The following PPFIA1 variants were observed in gnomAD, a reference collection of about 807,000 sequenced individuals.
PPFIA1 encodes the protein PPFI scaffold protein A1, also known as liprin-alpha-1.
PPFIA1 carries 25 observed loss-of-function variants against 149.9 expected under a neutral mutation model. That is an observed-to-expected ratio of 0.17 (90% CI 0.12 to 0.23). PPFIA1 has a LOEUF of 0.23. Among genes scored for constraint, PPFIA1 ranks in the 10% least tolerant of loss-of-function variants. The pLI is 1.00. For synonymous variants in PPFIA1, 549 were observed against 552.8 expected (o/e 0.99, Z 0.10); for missense variants, 1,362 against 1,506.5 (o/e 0.90, Z 1.59).
chr11:70,361,332 C>T (rs573233265), intron 19 of PPFIA1, among the ~76,000 whole-genome samples: 16 of 152,266 alleles, frequency 1.1e-4, no homozygotes, highest in African/African-American at 3.6e-4. Flanking sequence ...TTCCGTATCA[C>T]GTAGGCATAA....
At chr11:70,279,747 G>C (rs2050632119) in intron 2 of PPFIA1, among the ~76,000 whole-genome samples, 1 of 151,352 alleles carries the variant, frequency 6.6e-6, no homozygotes, top group Non-Finnish European at 1.5e-5. Flanking sequence ...GTGTGTGTGT[G>C]TGTGTGTGTG....
chr11:70,291,102 C>T (rs2051495851), intron 2 of PPFIA1, among the ~76,000 whole-genome samples: 2 of 152,148 alleles, frequency 1.3e-5, no homozygotes, highest in African/African-American at 4.8e-5. Context: ...TCAGCCTGGT[C>T]TTGAACTCCC....
At chr11:70,290,832 T>C (rs1565349785) in intron 2 of PPFIA1, among the ~76,000 whole-genome samples, 1 of 152,214 alleles carries the variant, frequency 6.6e-6, no homozygotes, top group South Asian at 2.1e-4. Context: ...TTGAATCATA[T>C]AGAAAAGTTA....
intron 19 of PPFIA1, among the ~76,000 whole-genome samples, 182 bp downstream of exon 19, chr11:70,356,436 A>G (rs1268047101): frequency 1.3e-5 from 2 of 152,210 alleles, no homozygotes; most frequent in African/African-American, 2.4e-5. Flanking sequence ...ATTTCGAAGA[A>G]ACTCACACTG....
intron 1 of PPFIA1, chr11:70,271,242 G>A (rs1026748730): frequency 2.6e-5 from 4 of 152,326 alleles, no homozygotes; most frequent in Middle Eastern, 3.2e-3. Context: ...ACCCCCCGGG[G>A]TTCGGGGCTT....
At chr11:70,328,897 A>C (rs2054482595) in intron 7 of PPFIA1, among the ~76,000 whole-genome samples, 1 of 152,200 alleles carries the variant, frequency 6.6e-6, no homozygotes, top group Non-Finnish European at 1.5e-5. Context: ...ATAAATAGGG[A>C]ACAACTTGAA....
At chr11:70,288,301 GTGT>G (rs975873878) in intron 2 of PPFIA1, among the ~76,000 whole-genome samples, 1 of 151,880 alleles carries the variant, frequency 6.6e-6, no homozygotes, top group African/African-American at 2.4e-5. Flanking sequence ...TGAACTCCTG[GTGT>G]TGTGATCTGC....
chr11:70,300,222 G>A lies in PPFIA1; in HGVS notation c.265-24180G>A, dbSNP rs145231669. Among the ~76,000 whole-genome samples the A allele has an allele frequency of 1.2e-3, 188 of 152,112 alleles. 1 individual carries two copies. Among genetic ancestry groups the A allele is most frequent in the African/African-American group, 4.0e-3 (168 of 41,490 alleles). ...CGCAGACTCCTCTTCATTACCATGCGCCCCTCAAAGCCAAAGTCAAGCCTG... is the reference window on the plus strand; with the variant it reads ...CGCAGACTCCTCTTCATTACCATGCACCCCTCAAAGCCAAAGTCAAGCCTG... On this transcript the variant is annotated intron_variant, in intron 2 of 27. Coordinates refer to ENST00000253925, the MANE Select transcript of PPFIA1 (RefSeq NM_003626.5).
intron 2 of PPFIA1, among the ~76,000 whole-genome samples, chr11:70,277,060 A>ATTTTTTTTTTTTTTTT (rs1555076271): frequency 1.5e-5 from 1 of 66,312 alleles, no homozygotes; most frequent in African/African-American, 1.2e-4. Flanking sequence ...ATATATATAT[A>ATTTTTTTTTTTTTTTT]TTTTTTTTTT....
At chr11:70,279,722 GGTGTGTGTGTGTGTGT>G (rs71046599) in intron 2 of PPFIA1, among the ~76,000 whole-genome samples, 12 of 135,394 alleles carry the variant, frequency 8.9e-5, no homozygotes, top group African/African-American at 1.7e-4. Flanking sequence ...TATGTGTCTA[GGTGTGTGTGTGTGTGT>G]GTGTGTGTGT....
chr11:70,339,488 G>C (rs1033518716), intron 14 of PPFIA1, among the ~76,000 whole-genome samples, 182 bp downstream of exon 14: 1 of 145,034 alleles, frequency 6.9e-6, no homozygotes, highest in African/African-American at 2.9e-5. Flanking sequence ...TTTTGTTTTT[G>C]TTTTTGTTTT....
At chr11:70,279,044 A>G (rs1565333623) in intron 2 of PPFIA1, 1 of 535,244 alleles carries the variant, frequency 1.9e-6, no homozygotes, top group East Asian at 4.3e-5. Context: ...GTTGCAAGTA[A>G]TGAGGGGTAG....
At position 70,296,358 on chromosome 11, in the gene PPFIA1, C is replaced by T. The variant is rs978120248; in HGVS notation, c.264+23922C>T. 7.2e-5 allele frequency among the ~76,000 whole-genome samples: 11 copies of T among 152,134 alleles called. No individual in the cohort carries two copies. In the East Asian group the frequency reaches 7.8e-4, roughly 11 times the overall value. On this transcript the variant is annotated intron_variant, in intron 2 of 27. Transcript: ENST00000253925. ...CTGGGAGGTGGAGGTTGTAGCGAGC[C>T]GAGATCACGCCACTGCACTCCAGCC... is the stretch of plus-strand genomic sequence containing the variant.
In PPFIA1 at chr11:70,296,753, G is replaced by A. The variant is rs540097000; in HGVS notation, c.264+24317G>A. 3.1e-3 allele frequency among the ~76,000 whole-genome samples: 431 copies of A among 140,772 alleles called. 5 individuals are homozygous for A. Among genetic ancestry groups the A allele is most frequent in the African/African-American group, 0.011 (406 of 37,986 alleles). The allele number at this position is 140,772 out of a possible 152,430, so 92.4% of individuals were successfully genotyped here. A position where few individuals can be genotyped will look rare whatever the true frequency, so the allele number is the denominator to read the frequency against. On this transcript the variant is annotated intron_variant, in intron 2 of 27. Coordinates refer to ENST00000253925, the MANE Select transcript of PPFIA1 (RefSeq NM_003626.5). ...AGGGAGAGGGAGAGGGAGAGAGGGA[G>A]GGAGGGAGGGGGAGGGAGGGAGAGG...
chr11:70,367,979 A>G (rs1591366418), intron 21 of PPFIA1, among the ~76,000 whole-genome samples: 2 of 152,102 alleles, frequency 1.3e-5, no homozygotes, highest in African/African-American at 4.8e-5. Flanking sequence ...TCTACAAAAA[A>G]TATAAAAATT....
intron 2 of PPFIA1, among the ~76,000 whole-genome samples, chr11:70,293,516 G>A (rs566502967): frequency 6.6e-6 from 1 of 152,290 alleles, no homozygotes; most frequent in South Asian, 2.1e-4. Flanking sequence ...ATAGAGTCGC[G>A]GTGGCAAGGC....
At chr11:70,374,597 A>T in intron 23 of PPFIA1, 1 of 266,712 alleles carries the variant, frequency 3.7e-6, no homozygotes, top group Non-Finnish European at 7.0e-6. Flanking sequence ...CATGTTAGGT[A>T]TTCAAGTTCT....
At chr11:70,295,737 TG>T (rs1274074959) in intron 2 of PPFIA1, among the ~76,000 whole-genome samples, 1 of 143,944 alleles carries the variant, frequency 6.9e-6, no homozygotes, top group Non-Finnish European at 1.5e-5. Flanking sequence ...GGCAGGGGGC[TG>T]ACCCCCCCAC....
intron 16 of PPFIA1, among the ~76,000 whole-genome samples, chr11:70,349,136 A>G (rs1272765674): frequency 1.1e-5 from 1 of 87,642 alleles, no homozygotes; most frequent in East Asian, 2.4e-4. Context: ...ATCTACTACC[A>G]AAAAAAAAAA....
Sources: gnomAD v4.1 joint callset for allele counts (sites outside exome capture counted in the v4.1 genomes callset) on GRCh38, gnomAD v4.1.1 for gene constraint, MANE v1.5 for transcripts, NCBI Gene and HGNC (gene_info 2026-07-23, HGNC 2026-07-21) for gene names.